Variants in NBAS observed in about 807,000 individuals in gnomAD.
NBAS encodes NAG/BC035112 fusion.
In NBAS, 219 loss-of-function variants were observed where a neutral mutation model predicts 302.5. The observed-to-expected ratio is 0.72, with a 90% confidence interval of 0.65 to 0.81. The LOEUF (loss-of-function observed/expected upper bound fraction) is 0.81, where lower values mean the gene tolerates loss of function less well. Ranked by LOEUF, NBAS falls within the 30% of genes least tolerant of loss-of-function variation. NBAS has a pLI of 0.00. For synonymous variants in NBAS, 1,118 were observed against 1,021.6 expected, an observed-to-expected ratio of 1.09 and a Z score of -1.80; for missense variants, 2,932 against 2,841.6, an observed-to-expected ratio of 1.03 and a Z score of -0.72.
Position 15,345,233 on chromosome 2 carries a change from C to T in NBAS, c.4179+6759G>A, listed in dbSNP as rs576256908. On this transcript the variant is annotated intron_variant, in intron 35 of 51. Coordinates refer to ENST00000281513, the MANE Select transcript of NBAS (RefSeq NM_015909.4). Reference sequence around the variant, plus strand: ...AAGTCAAATTGTCTCTGTTTGCAGACGACCTGATTTTGTATTTAGAAAACC... The same window carrying T: ...AAGTCAAATTGTCTCTGTTTGCAGATGACCTGATTTTGTATTTAGAAAACC... Among the ~76,000 whole-genome samples the T allele has an allele frequency of 7.9e-5, 12 of 152,170 alleles. No individual in the cohort carries two copies. The East Asian group carries it at 9.7e-4, about 12-fold the overall frequency.
the NBAS span, among the ~76,000 whole-genome samples, chr2:14,785,328 T>C: frequency 2.0e-5 from 3 of 152,170 alleles, no homozygotes; most frequent in African/African-American, 7.2e-5. Context: ...TCCTGCCTAA[T>C]TGCCCTGGCC....
chr2:14,847,072 C>A, the NBAS span, among the ~76,000 whole-genome samples: 1 of 151,994 alleles, frequency 6.6e-6, no homozygotes, highest in Admixed American at 6.5e-5. Context: ...CTACAAGAAA[C>A]ACACTTCACC....
rs923945910 is a variant in NBAS at position 15,439,937 on chromosome 2, G to A, written c.2340-12143C>T. Among the ~76,000 whole-genome samples, 20 of 152,226 alleles carry A rather than the reference G, an allele frequency of 1.3e-4. 1 individual carries two copies. Among genetic ancestry groups the A allele is most frequent in the African/African-American group, 2.4e-4 (10 of 41,458 alleles). ...GTTGTCTGAGATCAAACCGCAAGGC[G>A]GCAGTGAGGCTGGGGGAGGGGCAAC... is the stretch of plus-strand genomic sequence containing the variant. On this transcript the variant is annotated intron_variant, in intron 21 of 51. Transcript: ENST00000281513.
chr2:15,468,472 A>C lies in NBAS; in HGVS notation c.1787T>G (p.Val596Gly), dbSNP rs748552040. ...HECLERVPEN[V>G]DAAKELLQYG... The stretch of plus-strand genomic sequence containing the variant: ...CTGAAGCAGTTCTTTTGCAGCATCC[A>C]CATTTTCAGGAACTCTTTCCAAACA... The change falls in exon 17 of 52, where the codon GTG (valine) becomes GGG (glycine). Residue 596 changes from valine to glycine, a missense_variant. Physicochemically the swap from Val to Gly is moderately radical, Grantham distance 109 (BLOSUM62 -3). Coordinates refer to ENST00000281513, the MANE Select transcript of NBAS (RefSeq NM_015909.4). 6.2e-7 allele frequency: 1 copy of C among 1,614,046 alleles called. No individual in the cohort carries two copies. Among genetic ancestry groups the C allele is most frequent in the Non-Finnish European group, 8.5e-7 (1 of 1,179,964 alleles).
the NBAS span, among the ~76,000 whole-genome samples, chr2:14,893,050 T>C: frequency 6.6e-6 from 1 of 152,228 alleles, no homozygotes. Flanking sequence ...ATAATGTTTT[T>C]AAATATTTAT....
chr2:15,232,345 C>T (rs1214326239), intron 47 of NBAS, 77 bp downstream of exon 47: 3 of 1,379,314 alleles, frequency 2.2e-6, no homozygotes, highest in Admixed American at 1.8e-5. Context: ...AAGCCTCATA[C>T]ATACGGATAC....
At chr2:15,553,897 CCT>C (rs959696186) in intron 4 of NBAS, among the ~76,000 whole-genome samples, 162 bp downstream of exon 4, 3 of 130,130 alleles carry the variant, frequency 2.3e-5, no homozygotes, top group African/African-American at 5.5e-5. Flanking sequence ...TCTCTCTTTC[CCT>C]CTCTCTCTAA....
chr2:15,219,321 C>CT (rs1356182596), intron 47 of NBAS, among the ~76,000 whole-genome samples: 2 of 142,338 alleles, frequency 1.4e-5, no homozygotes, highest in Admixed American at 7.0e-5. Flanking sequence ...TTTTTCTTTT[C>CT]TTTTTTTTTA....
chr2:15,468,264 G>T, intron 17 of NBAS, 118 bp downstream of exon 17: 1 of 1,239,908 alleles, frequency 8.1e-7, no homozygotes, highest in Non-Finnish European at 1.2e-6. Flanking sequence ...TTGATCAAAA[G>T]CAACTGCTTC....
the NBAS span, among the ~76,000 whole-genome samples, chr2:14,960,769 C>T: frequency 2.6e-5 from 4 of 152,274 alleles, no homozygotes; most frequent in Middle Eastern, 3.4e-3. Flanking sequence ...ACCAAATGAC[C>T]ACTTTGTGCC....
the NBAS span, among the ~76,000 whole-genome samples, chr2:15,040,801 G>C: frequency 3.3e-5 from 5 of 152,152 alleles, no homozygotes; most frequent in East Asian, 1.9e-4. Flanking sequence ...CCCAGTGCTC[G>C]CACTTGTCCC....
chr2:15,100,397 A>C, the NBAS span, among the ~76,000 whole-genome samples: 6 of 152,222 alleles, frequency 3.9e-5, no homozygotes, highest in South Asian at 1.2e-3. Flanking sequence ...GCAGGCTGTC[A>C]TGGCAAAGAA....
intron 44 of NBAS, among the ~76,000 whole-genome samples, chr2:15,239,997 AT>A (rs1667787900): frequency 6.6e-6 from 1 of 152,174 alleles, no homozygotes; most frequent in Non-Finnish European, 1.5e-5. Flanking sequence ...CCTCTGAGAG[AT>A]CCTAGCGCCT....
the NBAS span, among the ~76,000 whole-genome samples, chr2:15,131,926 AACTC>A: frequency 1.3e-5 from 2 of 152,140 alleles, no homozygotes; most frequent in Non-Finnish European, 2.9e-5. Context: ...ATCATGCAAG[AACTC>A]ACTCACTATC....
chr2:15,205,213 G>A (rs1666082861), intron 48 of NBAS, among the ~76,000 whole-genome samples: 2 of 152,050 alleles, frequency 1.3e-5, no homozygotes, highest in Non-Finnish European at 2.9e-5. Flanking sequence ...CACAGAATTT[G>A]TAAGATGCAT....
At chr2:15,179,200 T>C in intron 50 of NBAS, 84 bp from the exon 51 acceptor site, 2 of 1,604,082 alleles carry the variant, frequency 1.2e-6, no homozygotes, top group Non-Finnish European at 8.5e-7. Context: ...TCCACCCCTT[T>C]TTCTGTGGTA....
Position 15,467,761 on chromosome 2 carries a change from C to T in NBAS, c.1921G>A (p.Glu641Lys), listed in dbSNP as rs769098086. The change falls in exon 18 of 52, where the codon GAA becomes AAA. Residue 641 changes from glutamate (E) to lysine (K), a missense_variant. Coordinates refer to ENST00000281513, the MANE Select transcript of NBAS (RefSeq NM_015909.4). ...GEIDIDSISYEELSPPDEEPA... is the reference protein window; with the variant it reads ...GEIDIDSISYKELSPPDEEPA... ...TCTTCATCAGGTGGTGAAAGCTCTT[C>T]ATAGGAGATACTGTCAATGTCTATT... is the stretch of plus-strand genomic sequence containing the variant. The T allele has an allele frequency of 1.3e-6, 2 of 1,598,376 alleles. No homozygotes were observed. The highest frequency in any genetic ancestry group is 1.7e-6 in the Non-Finnish European group (2 of 1,165,994).
chr2:14,895,739 C>CAAAAAA, the NBAS span, among the ~76,000 whole-genome samples: 1 of 95,472 alleles, frequency 1.0e-5, no homozygotes, highest in Non-Finnish European at 2.2e-5. Flanking sequence ...GACTCCGTCT[C>CAAAAAA]AAAAAAAAAA....
rs556793599 is a variant in NBAS, at chr2:15,237,206, T to C, written c.5943+1262A>G. On this transcript the variant is annotated intron_variant, in intron 45 of 51. Transcript: ENST00000281513. ...TATTGATTTGTCAACTTTCCAGTTA[T>C]AGAAAAAATTATCTCAACTCCCACA... Among the ~76,000 whole-genome samples, 14 of 152,304 alleles carry C rather than the reference T, an allele frequency of 9.2e-5. No individual in the cohort carries two copies. The South Asian group carries it at 1.7e-3, about 18-fold the overall frequency.
Sources: allele counts gnomAD v4.1 joint callset (sites outside exome capture counted in the v4.1 genomes callset), GRCh38; gene constraint gnomAD v4.1.1; transcripts MANE v1.5; gene names NCBI Gene and HGNC (gene_info 2026-07-23, HGNC 2026-07-21).